The following SLC38A7 variants were observed in gnomAD, a reference collection of about 807,000 sequenced individuals.
The protein encoded by SLC38A7 is solute carrier family 38 member 7.
A neutral mutation model predicts 50.1 loss-of-function variants in SLC38A7; 29 were observed. The ratio of observed to expected loss-of-function variants is 0.58; its 90% confidence interval spans 0.43 to 0.79. SLC38A7 has a LOEUF of 0.79. SLC38A7 is among the 30% of genes least tolerant of loss of function. The probability of loss-of-function intolerance (pLI) is 0.00; values close to 1 mark genes in which losing one functional copy is unlikely to be tolerated. For missense variants in SLC38A7, 483 were observed against 610.6 expected, an observed-to-expected ratio of 0.79 and a Z score of 2.20; for synonymous variants, 244 against 245.9, an observed-to-expected ratio of 0.99 and a Z score of 0.07.
At chr16:58,677,465 C>T in intron 5 of SLC38A7, 41 bp from the exon 6 acceptor site, 2 of 1,574,488 alleles carry the variant, frequency 1.3e-6, no homozygotes, top group Non-Finnish European at 1.7e-6. Context: ...TCCCCAGCTG[C>T]CTCTTATCTG....
chr16:58,680,249 G>T lies in SLC38A7; in HGVS notation c.-115-8C>A. 1.8e-6 allele frequency: 2 copies of T among 1,124,560 alleles called. No individual in the cohort carries two copies. The highest frequency in any genetic ancestry group is 2.4e-6 in the Non-Finnish European group (2 of 849,598). The allele number at this position is 1,124,560 out of a possible 1,614,324, so 69.7% of individuals were successfully genotyped here. ...CTTAGGACTCTTCTCAACCTAGATGGGACAAAGGCAGGCACTACTGTTATC... is the reference window on the plus strand; with the variant it reads ...CTTAGGACTCTTCTCAACCTAGATGTGACAAAGGCAGGCACTACTGTTATC... On this transcript the variant is annotated splice_region_variant and splice_polypyrimidine_tract_variant and intron_variant, in intron 2 of 11. Transcript: ENST00000219320.
chr16:58,671,155 G>A lies in SLC38A7; in HGVS notation c.1121C>T (p.Thr374Met), dbSNP rs750328473. The change falls in exon 10 of 12, where the codon ACG becomes ATG. Residue 374 changes from threonine to methionine, a missense_variant. Physicochemically the swap from Thr to Met is moderately conservative, Grantham distance 81 (BLOSUM62 -1). Coordinates refer to ENST00000219320, the MANE Select transcript of SLC38A7 (RefSeq NM_018231.3). ...GRERRRRVLQ[T>M]LVWFLLTLLL... ...CAGGGTGAGCAGGAACCAGACCAGC[G>A]TCTGCAGCACTCGCCGCCGCCGCTC... The A allele has an allele frequency of 8.1e-6, 13 of 1,613,826 alleles. No individual in the cohort carries two copies. Among genetic ancestry groups the A allele is most frequent in the African/African-American group, 2.7e-5 (2 of 74,898 alleles).
chr16:58,683,012 C>A (rs902329560), intron 2 of SLC38A7, among the ~76,000 whole-genome samples: 18 of 150,108 alleles, frequency 1.2e-4, no homozygotes, highest in Non-Finnish European at 7.4e-5. Flanking sequence ...CATGTGACTT[C>A]TCCCACGTGA....
chr16:58,684,749 G>C lies in SLC38A7; in HGVS notation c.-372C>G, dbSNP rs1016819352. 3 of 152,340 alleles carry C rather than the reference G, an allele frequency of 2.0e-5. No individual in the cohort carries two copies. Among genetic ancestry groups the C allele is most frequent in the African/African-American group, 7.2e-5 (3 of 41,480 alleles). 9.4% of individuals were successfully genotyped at this position (152,340 alleles called of 1,614,324 possible). On this transcript the variant is annotated 5_prime_UTR_variant, in exon 1 of 12. Coordinates refer to ENST00000219320, the MANE Select transcript of SLC38A7 (RefSeq NM_018231.3). ...GATTCTTTCCCGAGCCGGCTGCGGA[G>C]ACACGTGAGCATGCATCACATGACG...
At chr16:58,670,857 A>T (rs895966019) in intron 10 of SLC38A7, among the ~76,000 whole-genome samples, 188 bp downstream of exon 10, 20 of 152,138 alleles carry the variant, frequency 1.3e-4, no homozygotes, top group Non-Finnish European at 2.9e-5. Flanking sequence ...TAAACTGGAG[A>T]TCACAACTAT....
chr16:58,668,328 A>G (rs2044084185), intron 11 of SLC38A7, among the ~76,000 whole-genome samples: 1 of 152,084 alleles, frequency 6.6e-6, no homozygotes, highest in African/African-American at 2.4e-5. Flanking sequence ...TAATCCCAGA[A>G]CTTTGGGAGG....
chr16:58,673,924 CA>C (rs1421158012), intron 8 of SLC38A7, among the ~76,000 whole-genome samples: 1 of 151,676 alleles, frequency 6.6e-6, no homozygotes, highest in African/African-American at 2.4e-5. Flanking sequence ...CTCCCAGGTT[CA>C]AGTGATTCTC....
rs1300691349 is a variant in SLC38A7, at chr16:58,678,178, T to C, written c.611+155A>G. Among the ~76,000 whole-genome samples the C allele has an allele frequency of 6.6e-6, 1 of 152,174 alleles. No individual in the cohort carries two copies. Among genetic ancestry groups the C allele is most frequent in the Non-Finnish European group, 1.5e-5 (1 of 68,034 alleles). On this transcript the variant is annotated intron_variant, in intron 5 of 11. Transcript: ENST00000219320. The surrounding 1 kb of genome is among the most constrained non-coding windows in gnomAD (Gnocchi z 4.0). ...TGATGGAGACAGAAAAGGATGGTCT[T>C]ATCTGAAACCCTGCAAGCCCCGGTC...
intron 8 of SLC38A7, chr16:58,675,389 G>T: frequency 2.4e-6 from 1 of 409,880 alleles, no homozygotes; most frequent in South Asian, 1.9e-5. Context: ...ATGGCACATG[G>T]CTGTAGTCCC....
chr16:58,671,280 C>G (rs1266765131), intron 9 of SLC38A7, 36 bp from the exon 10 acceptor site: 1 of 1,595,194 alleles, frequency 6.3e-7, no homozygotes, highest in South Asian at 1.1e-5. Flanking sequence ...GGTGCCCCTG[C>G]TGCTAGCAGC....
At chr16:58,679,725 A>G (rs1205409216) in intron 3 of SLC38A7, 132 bp downstream of exon 3, 1 of 1,192,288 alleles carries the variant, frequency 8.4e-7, no homozygotes, top group East Asian at 2.5e-5. Context: ...TAGATTAGTC[A>G]TGTCTGCCAT....
chr16:58,678,567 A>T lies in SLC38A7; in HGVS notation c.470-93T>A. 6.4e-7 allele frequency: 1 copy of T among 1,555,788 alleles called. No individual in the cohort carries two copies. Among genetic ancestry groups the T allele is most frequent in the Non-Finnish European group, 8.7e-7 (1 of 1,144,996 alleles). On this transcript the variant is annotated intron_variant, in intron 4 of 11. Coordinates refer to ENST00000219320, the MANE Select transcript of SLC38A7 (RefSeq NM_018231.3). The surrounding 1 kb of genome is among the most constrained non-coding windows in gnomAD (Gnocchi z 4.0). ...GGCCCCAGGACCTCCCTCTGCCTGG[A>T]GGGAGGATTCCCAGATGAATGCTGG...
At chr16:58,675,890 T>C in intron 8 of SLC38A7, 50 bp downstream of exon 8, 3 of 1,448,622 alleles carry the variant, frequency 2.1e-6, no homozygotes, top group Non-Finnish European at 2.9e-6. Context: ...GGGACTCCTG[T>C]GGAAGTGAGA....
rs752304372 is a variant in SLC38A7, at chr16:58,671,231, C to T, written c.1045G>A (p.Gly349Ser). The T allele has an allele frequency of 2.5e-6, 4 of 1,613,736 alleles. No individual in the cohort carries two copies. The highest frequency in any genetic ancestry group is 2.5e-6 in the Non-Finnish European group (3 of 1,179,802). Reference sequence around the variant, plus strand: ...ACCCCCTGGTAGCGCAGCCACAGGCCTTCCACCACCGCCCTGCCCACATGG... The same window carrying T: ...ACCCCCTGGTAGCGCAGCCACAGGCTTTCCACCACCGCCCTGCCCACATGG... Reference protein sequence around the residue: ...LHFCGRAVVEGLWLRYQGVPV... With the variant: ...LHFCGRAVVESLWLRYQGVPV... The change falls in exon 10 of 12, where the codon GGC (glycine) becomes AGC (serine). Residue 349 changes from glycine (G) to serine (S), a missense_variant. Coordinates refer to ENST00000219320, the MANE Select transcript of SLC38A7 (RefSeq NM_018231.3).
chr16:58,679,742 G>C (rs774088441), intron 3 of SLC38A7, 115 bp downstream of exon 3: 1 of 1,364,338 alleles, frequency 7.3e-7, no homozygotes, highest in African/African-American at 1.4e-5. Flanking sequence ...CCATGTGTGA[G>C]GGAGGGGAGA....
rs2044044754 is a variant in SLC38A7 at position 58,666,832 on chromosome 16, G to A, written c.*553C>T. 6.5e-6 allele frequency: 1 copy of A among 153,652 alleles called. No homozygotes were observed. Among genetic ancestry groups the A allele is most frequent in the Non-Finnish European group, 1.5e-5 (1 of 68,798 alleles). 9.5% of individuals were successfully genotyped at this position (153,652 alleles called of 1,614,324 possible). On this transcript the variant is annotated 3_prime_UTR_variant, in exon 12 of 12. Coordinates refer to ENST00000219320, the MANE Select transcript of SLC38A7 (RefSeq NM_018231.3). ...AAATGTCTATTAGCTATGGGAAAGA[G>A]GCTGACAGGTTCATGGTGGGGGTTG... is the stretch of plus-strand genomic sequence containing the variant.
chr16:58,667,726 C>T lies in SLC38A7; in HGVS notation c.1287-239G>A, dbSNP rs76096783. Among the ~76,000 whole-genome samples the T allele has an allele frequency of 9.3e-3, 1,420 of 152,000 alleles. 66 individuals carry two copies. The South Asian group carries it at 0.096, about 10-fold the overall frequency. On this transcript the variant is annotated intron_variant, in intron 11 of 11. Coordinates refer to ENST00000219320, the MANE Select transcript of SLC38A7 (RefSeq NM_018231.3). ...TGATTGTTCACATCATGCCACGATT[C>T]GAATGTAGGCATCCTGATGGAAAGA... is the stretch of plus-strand genomic sequence containing the variant.
Position 58,680,107 on chromosome 16 carries a change from T to C in SLC38A7, c.20A>G (p.Asn7Ser), listed in dbSNP as rs750738590. ...CAAGTCCCACTCGCTGTAGTCATTG[T>C]TGATGCTGACCTGGGCCATGGCCCC... Reference protein sequence around the residue: MAQVSINNDYSEWDLST... With the variant: MAQVSISNDYSEWDLST... Residue 7 changes from asparagine (N) to serine (S), a missense_variant, in exon 3 of 12, where the codon AAC (asparagine) becomes AGC (serine). Coordinates refer to ENST00000219320, the MANE Select transcript of SLC38A7 (RefSeq NM_018231.3). 1.9e-6 allele frequency: 3 copies of C among 1,540,498 alleles called. No homozygotes were observed. The highest frequency in any genetic ancestry group is 2.5e-5 in the South Asian group (2 of 79,138).
At position 58,675,934 on chromosome 16, in the gene SLC38A7, A is replaced by C. The variant is rs758514705; in HGVS notation, c.883+6T>G. On this transcript the variant is annotated splice_donor_region_variant and intron_variant, in intron 8 of 11. Transcript: ENST00000219320. ...GTCCCAGGTCTTGGGGGGGGGGAGCACTCACCTGTCCCCATGTAGACAGCG... is the reference window on the plus strand; with the variant it reads ...GTCCCAGGTCTTGGGGGGGGGGAGCCCTCACCTGTCCCCATGTAGACAGCG... 2 of 1,596,096 alleles carry C rather than the reference A, an allele frequency of 1.3e-6. No individual in the cohort carries two copies. The highest frequency in any genetic ancestry group is 1.7e-5 in the Admixed American group (1 of 58,886).
Sources: gnomAD v4.1 joint callset for allele counts (sites outside exome capture counted in the v4.1 genomes callset) on GRCh38, gnomAD v4.1.1 for gene constraint, Gnocchi (gnomAD v3.1) non-coding constraint, MANE v1.5 for transcripts, NCBI Gene and HGNC (gene_info 2026-07-23, HGNC 2026-07-21) for gene names.